Variants in USP15 observed in about 807,000 individuals in gnomAD.
USP15 encodes ubiquitin carboxyl-terminal hydrolase 15.
A neutral mutation model predicts 127.1 loss-of-function variants in USP15; 18 were observed. The ratio of observed to expected loss-of-function variants is 0.14; its 90% confidence interval spans 0.10 to 0.21. The LOEUF is 0.21. Ranked by LOEUF, USP15 falls within the 10% of genes least tolerant of loss-of-function variation. The pLI, the probability that USP15 is intolerant of heterozygous loss-of-function variation, is 1.00. For missense variants in USP15, 805 were observed against 1,159.9 expected (o/e 0.69, Z 4.44); for synonymous variants, 364 against 393.7 (o/e 0.92, Z 0.89).
intron 18 of USP15, 134 bp from the exon 19 acceptor site, chr12:62,392,919 C>A: frequency 1.1e-6 from 1 of 893,046 alleles, no homozygotes; most frequent in South Asian, 1.8e-5. Context: ...TGCTTTCAAC[C>A]TGGTACATAT....
rs1477859204 is a variant in USP15, at chr12:62,355,493, A to G, written c.915+18A>G. On this transcript the variant is annotated intron_variant, in intron 8 of 21. Transcript: ENST00000280377. ...CTATTCAGGTAGGTCTTTGTAAACAAAATGAAACTCATGTTTCATGGAAAT... is the reference window on the plus strand; with the variant it reads ...CTATTCAGGTAGGTCTTTGTAAACAGAATGAAACTCATGTTTCATGGAAAT... 1 of 1,571,422 alleles carries G rather than the reference A, an allele frequency of 6.4e-7. No homozygotes were observed. The highest frequency in any genetic ancestry group is 1.7e-4 in the Middle Eastern group (1 of 5,818).
intron 1 of USP15, among the ~76,000 whole-genome samples, chr12:62,264,507 T>A (rs11614922): frequency 6.6e-6 from 1 of 152,204 alleles, no homozygotes; most frequent in Admixed American, 6.5e-5. Flanking sequence ...CCCTAATAAC[T>A]GTAGTAGGTA....
At chr12:62,307,997 G>C (rs1457580768) in intron 3 of USP15, among the ~76,000 whole-genome samples, 1 of 151,920 alleles carries the variant, frequency 6.6e-6, no homozygotes, top group African/African-American at 2.4e-5. Flanking sequence ...ATTAGCTATT[G>C]TTAATCTCTT....
intron 6 of USP15, among the ~76,000 whole-genome samples, chr12:62,345,752 G>A (rs781215830): frequency 2.6e-5 from 4 of 152,074 alleles, no homozygotes. Context: ...TGGGGTGGGG[G>A]GGCCTCACAA....
Position 62,301,450 on chromosome 12 carries a change from C to T in USP15, c.218-1340C>T, listed in dbSNP as rs75908820. The stretch of plus-strand genomic sequence containing the variant: ...TGAACAACTCAAATGCCCATCAACA[C>T]CTGAATGGAGAAACAAAATGTAGCA... On this transcript the variant is annotated intron_variant, in intron 2 of 21. Transcript: ENST00000280377. 3.8e-3 allele frequency among the ~76,000 whole-genome samples: 583 copies of T among 152,200 alleles called. 5 individuals are homozygous for T. Among genetic ancestry groups the T allele is most frequent in the African/African-American group, 0.013 (546 of 41,534 alleles).
chr12:62,358,460 A>G (rs2066208164), intron 8 of USP15, among the ~76,000 whole-genome samples: 1 of 152,216 alleles, frequency 6.6e-6, no homozygotes. Context: ...CATGCCTGTA[A>G]TCCCAGCACT....
At chr12:62,364,829 A>G (rs1417588877) in intron 8 of USP15, among the ~76,000 whole-genome samples, 2 of 151,238 alleles carry the variant, frequency 1.3e-5, no homozygotes, top group African/African-American at 4.9e-5. Flanking sequence ...TTCTGTTGTG[A>G]TAGTTTGCTG....
intron 6 of USP15, among the ~76,000 whole-genome samples, chr12:62,330,652 G>T (rs1275759954): frequency 6.6e-6 from 1 of 151,602 alleles, no homozygotes; most frequent in Non-Finnish European, 1.5e-5. Flanking sequence ...TGAGCAAGGT[G>T]GCTCACACCT....
intron 6 of USP15, among the ~76,000 whole-genome samples, chr12:62,345,076 G>A (rs1016828409): frequency 2.6e-5 from 4 of 152,098 alleles, no homozygotes; most frequent in Non-Finnish European, 5.9e-5. Context: ...TACTTTTGCC[G>A]GCTTGAATTT....
chr12:62,288,648 A>C (rs2063855904), intron 1 of USP15, among the ~76,000 whole-genome samples: 1 of 152,072 alleles, frequency 6.6e-6, no homozygotes, highest in Admixed American at 6.6e-5. Flanking sequence ...GGAGTGTGTA[A>C]GTGGGCATTT....
intron 16 of USP15, 51 bp downstream of exon 16, chr12:62,391,480 T>A: frequency 5.4e-6 from 6 of 1,115,440 alleles, no homozygotes; most frequent in Non-Finnish European, 6.0e-6. Flanking sequence ...GAGCATGTTA[T>A]TTTTTTTTTA....
intron 6 of USP15, among the ~76,000 whole-genome samples, chr12:62,340,800 T>G (rs973665130): frequency 6.6e-6 from 1 of 152,144 alleles, no homozygotes; most frequent in Non-Finnish European, 1.5e-5. Context: ...TCCATTTATG[T>G]GATTGATTTT....
At chr12:62,390,832 C>T (rs367892742) in intron 14 of USP15, 32 bp from the exon 15 acceptor site, 2 of 1,524,146 alleles carry the variant, frequency 1.3e-6, no homozygotes. Context: ...CTTTGTAGTA[C>T]TGAACTTGTT....
chr12:62,394,505 TAGTG>T lies in USP15; in HGVS notation c.2570+1306_2570+1309del, dbSNP rs371529727. Reference sequence around the variant, plus strand: ...AAAGATCATTTTCTCTTTAACAAAATAGTGAGCCATAAGTTTTCAAGAATATAGC... The same window carrying T: ...AAAGATCATTTTCTCTTTAACAAAATAGCCATAAGTTTTCAAGAATATAGC... On this transcript the variant is annotated intron_variant, in intron 19 of 21. Transcript: ENST00000280377. 1.4e-3 allele frequency among the ~76,000 whole-genome samples: 219 copies of T among 152,296 alleles called. 1 individual carries two copies. The highest frequency in any genetic ancestry group is 5.0e-3 in the African/African-American group (207 of 41,550).
At chr12:62,346,730 G>A (rs995512542) in intron 6 of USP15, among the ~76,000 whole-genome samples, 11 of 152,114 alleles carry the variant, frequency 7.2e-5, no homozygotes, top group Non-Finnish European at 1.3e-4. Flanking sequence ...CTTTCCACAT[G>A]CTCCAGCACA....
At chr12:62,350,772 G>A (rs1185918019) in intron 7 of USP15, among the ~76,000 whole-genome samples, 5 of 151,832 alleles carry the variant, frequency 3.3e-5, no homozygotes, top group Non-Finnish European at 5.9e-5. Context: ...TACAGCACAC[G>A]CCACTACACC....
chr12:62,395,962 T>G (rs2067476828), intron 19 of USP15, among the ~76,000 whole-genome samples: 1 of 152,104 alleles, frequency 6.6e-6, no homozygotes, highest in Non-Finnish European at 1.5e-5. Context: ...GATTTGGTTG[T>G]TTCCAAATGT....
At chr12:62,363,554 C>G (rs971772547) in intron 8 of USP15, among the ~76,000 whole-genome samples, 1 of 152,090 alleles carries the variant, frequency 6.6e-6, no homozygotes, top group Non-Finnish European at 1.5e-5. Flanking sequence ...TTCAGTCACC[C>G]TGTAAAAAAT....
rs2137701866 is a variant in USP15 at position 62,408,630 on chromosome 12, T to C, written c.*4255T>C. ...TTGGAAACAACCTCTCTTGAAAATA[T>C]ATTGGTATTCATTCCCAAATAATTC... is the stretch of plus-strand genomic sequence containing the variant. On this transcript the variant is annotated 3_prime_UTR_variant, in exon 22 of 22. Coordinates refer to ENST00000280377, the MANE Select transcript of USP15 (RefSeq NM_001252078.2). The C allele has an allele frequency of 6.6e-6, 1 of 152,270 alleles. No homozygotes were observed. The highest frequency in any genetic ancestry group is 1.9e-4 in the East Asian group (1 of 5,184). 9.4% of individuals were successfully genotyped at this position (152,270 alleles called of 1,614,324 possible).
Sources: allele counts gnomAD v4.1 joint callset (sites outside exome capture counted in the v4.1 genomes callset), GRCh38; gene constraint gnomAD v4.1.1; transcripts MANE v1.5; gene names NCBI Gene and HGNC (gene_info 2026-07-23, HGNC 2026-07-21).